GRID1: variants seen among roughly 807,000 people sequenced by gnomAD.
GRID1 encodes the protein glutamate ionotropic receptor delta type subunit 1.
In GRID1, 28 loss-of-function variants were observed where a neutral mutation model predicts 98.0. That is an observed-to-expected ratio of 0.29 (90% confidence interval 0.21 to 0.39). The LOEUF (loss-of-function observed/expected upper bound fraction) is 0.39, where lower values mean the gene tolerates loss of function less well. Ranked by LOEUF, GRID1 falls within the 10% of genes least tolerant of loss-of-function variation. The pLI is 1.00. For missense variants in GRID1, 1,111 were observed against 1,340.5 expected (o/e 0.83, Z 2.67); for synonymous variants, 553 against 538.5 (o/e 1.03, Z -0.37).
At chr10:86,343,195 A>G (rs1485421787) in intron 2 of GRID1, among the ~76,000 whole-genome samples, 1 of 151,862 alleles carries the variant, frequency 6.6e-6, no homozygotes, top group South Asian at 2.1e-4. Context: ...ACAGAACAGA[A>G]CCTCCCAGTT....
chr10:86,067,818 C>A (rs1843741690), intron 4 of GRID1, among the ~76,000 whole-genome samples: 2 of 152,224 alleles, frequency 1.3e-5, no homozygotes, highest in African/African-American at 4.8e-5. Context: ...CATTCCTATG[C>A]CAGAGCTCCC....
intron 4 of GRID1, among the ~76,000 whole-genome samples, chr10:86,134,744 C>T (rs1379953709): frequency 1.3e-5 from 2 of 152,150 alleles, no homozygotes; most frequent in Admixed American, 1.3e-4. Context: ...AGAGTTAGTG[C>T]AAGTTCATTC....
At chr10:85,944,730 T>A (rs538749272) in intron 4 of GRID1, among the ~76,000 whole-genome samples, 10 of 152,272 alleles carry the variant, frequency 6.6e-5, no homozygotes, top group African/African-American at 1.7e-4. Context: ...AAATGTAGCA[T>A]GTGCATATTA....
intron 2 of GRID1, chr10:86,264,623 A>G (rs936048617): frequency 4.1e-5 from 19 of 459,712 alleles, no homozygotes; most frequent in Admixed American, 2.3e-4. Flanking sequence ...CCCCACGCTG[A>G]CTGTGGAGGT....
chr10:86,030,777 C>T (rs1843175802), intron 4 of GRID1, among the ~76,000 whole-genome samples: 1 of 152,178 alleles, frequency 6.6e-6, no homozygotes, highest in East Asian at 1.9e-4. Context: ...TGAAAGGCAG[C>T]TCCAAATCAT....
intron 8 of GRID1, among the ~76,000 whole-genome samples, chr10:85,743,035 C>A (rs1841959919): frequency 6.7e-6 from 1 of 150,328 alleles, no homozygotes; most frequent in Non-Finnish European, 1.5e-5. Flanking sequence ...ACTCCCCGGC[C>A]CCCCACCAGT....
intron 4 of GRID1, among the ~76,000 whole-genome samples, chr10:85,932,673 G>T (rs1383666625): frequency 1.3e-5 from 2 of 152,182 alleles, no homozygotes; most frequent in African/African-American, 4.8e-5. Context: ...AATCAGACTT[G>T]TCTAATCAAT....
intron 12 of GRID1, among the ~76,000 whole-genome samples, chr10:85,710,832 T>C (rs979347056): frequency 2.0e-5 from 3 of 152,050 alleles, no homozygotes; most frequent in Non-Finnish European, 2.9e-5. Flanking sequence ...AAAGGAGATA[T>C]GCAAATTTGA....
chr10:85,711,990 T>C (rs1590200541), intron 12 of GRID1, among the ~76,000 whole-genome samples: 2 of 151,618 alleles, frequency 1.3e-5, no homozygotes, highest in Non-Finnish European at 3.0e-5. Context: ...AATATAATAA[T>C]AATAATACAT....
intron 13 of GRID1, among the ~76,000 whole-genome samples, chr10:85,624,347 C>T (rs752442644): frequency 4.6e-5 from 7 of 152,152 alleles, no homozygotes; most frequent in Non-Finnish European, 8.8e-5. Flanking sequence ...GCTGACTTAC[C>T]ATGGATCAAT....
intron 8 of GRID1, among the ~76,000 whole-genome samples, chr10:85,802,507 G>A (rs773695058): frequency 2.9e-4 from 44 of 152,032 alleles, no homozygotes; most frequent in Non-Finnish European, 5.0e-4. Context: ...TAGAACTGTG[G>A]TAAAATGCTT....
At chr10:85,694,777 T>G (rs1841375410) in intron 12 of GRID1, among the ~76,000 whole-genome samples, 1 of 132,694 alleles carries the variant, frequency 7.5e-6, no homozygotes, top group African/African-American at 2.9e-5. Flanking sequence ...ACAAAGAGAG[T>G]GAAATAATAG....
At chr10:86,130,981 G>A (rs566672597) in intron 4 of GRID1, among the ~76,000 whole-genome samples, 247 of 152,118 alleles carry the variant, frequency 1.6e-3, no homozygotes, top group Non-Finnish European at 2.6e-3. Flanking sequence ...AAGGAGCCAC[G>A]TCCCTATCAC....
intron 4 of GRID1, among the ~76,000 whole-genome samples, chr10:85,933,669 A>T (rs544456181): frequency 6.6e-6 from 1 of 152,200 alleles, no homozygotes; most frequent in Non-Finnish European, 1.5e-5. Flanking sequence ...CAAGCCCACA[A>T]GTCCATTTTG....
chr10:85,790,263 T>A (rs1217104420), intron 8 of GRID1, among the ~76,000 whole-genome samples: 1 of 152,178 alleles, frequency 6.6e-6, no homozygotes, highest in Non-Finnish European at 1.5e-5. Context: ...GACTGGCAGA[T>A]ACCAGGAACT....
chr10:85,983,663 G>A (rs1842573298), intron 4 of GRID1, among the ~76,000 whole-genome samples: 1 of 152,116 alleles, frequency 6.6e-6, no homozygotes. Context: ...CACATCCAGG[G>A]TTATCAGAGC....
At chr10:86,011,344 C>T (rs368396416) in intron 4 of GRID1, among the ~76,000 whole-genome samples, 10 of 152,146 alleles carry the variant, frequency 6.6e-5, no homozygotes, top group Non-Finnish European at 1.3e-4. Flanking sequence ...TTTTCATCTG[C>T]TATACCTAAC....
chr10:86,149,937 C>G (rs755169579), intron 3 of GRID1, among the ~76,000 whole-genome samples: 3 of 152,190 alleles, frequency 2.0e-5, no homozygotes, highest in Non-Finnish European at 4.4e-5. Flanking sequence ...ATTTGCAATT[C>G]CCTTCCATCA....
rs1321840289 is a variant in GRID1 at position 86,192,127 on chromosome 10, CA to C, written c.520+14236del. Among the ~76,000 whole-genome samples the C allele has an allele frequency of 6.6e-6, 1 of 152,200 alleles. No homozygotes were observed. Among genetic ancestry groups the C allele is most frequent in the Middle Eastern group, 3.4e-3 (1 of 294 alleles). The stretch of plus-strand genomic sequence containing the variant: ...TGGATGTCTTCCAAACAGTGTGGCA[CA>C]AAAATGCCCACCACACACAAACACA... On this transcript the variant is annotated intron_variant, in intron 3 of 15. Coordinates refer to ENST00000327946, the MANE Select transcript of GRID1 (RefSeq NM_017551.3). This position sits in a 1 kb window ranked among gnomAD's most constrained non-coding sequence, Gnocchi z 4.8.
Sources: allele counts gnomAD v4.1 joint callset (sites outside exome capture counted in the v4.1 genomes callset), GRCh38; gene constraint gnomAD v4.1.1; non-coding constraint Gnocchi (gnomAD v3.1); transcripts MANE v1.5; gene names NCBI Gene and HGNC (gene_info 2026-07-23, HGNC 2026-07-21).